Variants in TSC2 observed in about 807,000 individuals in gnomAD.
TSC2 encodes tuberin.
A neutral mutation model predicts 202.2 loss-of-function variants in TSC2; 29 were observed. The ratio of observed to expected loss-of-function variants is 0.14; its 90% CI spans 0.11 to 0.20. TSC2 has a LOEUF of 0.20. TSC2 is among the 10% of genes least tolerant of loss of function. The pLI is 1.00. For missense variants in TSC2, 2,429 were observed against 2,420.0 expected (o/e 1.00, Z -0.08); for synonymous variants, 1,349 against 1,044.0 (o/e 1.29, Z -5.63).
At chr16:2,060,484 G>C (rs2086489285) in intron 10 of TSC2, among the ~76,000 whole-genome samples, 186 bp from the exon 11 acceptor site, 1 of 152,202 alleles carries the variant, frequency 6.6e-6, no homozygotes, top group Non-Finnish European at 1.5e-5. Flanking sequence ...TCTGGGTCCT[G>C]ACTGTGCTGG....
intron 16 of TSC2, among the ~76,000 whole-genome samples, chr16:2,067,787 A>G (rs909326228): frequency 2.0e-5 from 3 of 152,146 alleles, no homozygotes; most frequent in Non-Finnish European, 4.4e-5. Flanking sequence ...AAAACAAAGC[A>G]AAAACAGGCA....
Position 2,074,662 on chromosome 16 carries a change from GC to G in TSC2, c.2545+275del, listed in dbSNP as rs1386551078. ...AGCAGTGGCCCTCCCCTGGTTTTGG[GC>G]CTCCTCTCTGTCCAACAGAGCACAC... On this transcript the variant is annotated intron_variant, in intron 22 of 41. Transcript: ENST00000219476. The G allele has an allele frequency of 5.6e-6, 3 of 535,694 alleles. No individual in the cohort carries two copies. The East Asian group carries it at 9.7e-5, about 17-fold the overall frequency. The allele number at this position is 535,694 out of a possible 1,614,324, so 33.2% of individuals were successfully genotyped here.
At chr16:2,065,039 A>G (rs4787061) in intron 15 of TSC2, 10,037 of 187,110 alleles carry the variant, frequency 0.054, 395 homozygotes, top group Admixed American at 0.1. Context: ...GCTTGAACCT[A>G]GGAGGTGAAG....
chr16:2,073,478 A>G (rs887734656), intron 21 of TSC2, among the ~76,000 whole-genome samples: 1 of 152,176 alleles, frequency 6.6e-6, no homozygotes, highest in South Asian at 2.1e-4. Flanking sequence ...CTGGTGTCCT[A>G]GAGATTCTGG....
In TSC2 at chr16:2,081,671, G is replaced by A. The variant is rs140384709; in HGVS notation, c.3687G>A (p.Gln1229=). ...CGGACATCAACAACATGCCCCTGCA[G>A]GAGCTGTCTAACGCCCTCATGGCGG... ...FSSDINNMPL[Q]ELSNALMAAE... is the part of the protein sequence containing the mutation. The change falls in exon 31 of 42, where the codon CAG becomes CAA. Residue 1229 remains glutamine, a synonymous_variant. Coordinates refer to ENST00000219476, the MANE Select transcript of TSC2 (RefSeq NM_000548.5). The A allele has an allele frequency of 3.7e-6, 6 of 1,612,996 alleles. No homozygotes were observed. Among genetic ancestry groups the A allele is most frequent in the Non-Finnish European group, 5.1e-6 (6 of 1,180,016 alleles).
At chr16:2,066,862 A>T (rs752982464) in intron 16 of TSC2, among the ~76,000 whole-genome samples, 16 of 151,858 alleles carry the variant, frequency 1.1e-4, no homozygotes, top group Admixed American at 2.0e-4. Context: ...GGGTTTCACC[A>T]TGTTGGCCAG....
intron 16 of TSC2, among the ~76,000 whole-genome samples, chr16:2,066,795 G>A (rs1053135378): frequency 1.3e-5 from 2 of 151,050 alleles, no homozygotes; most frequent in African/African-American, 2.4e-5. Context: ...TGAGCATCTC[G>A]TATTACAGGC....
At chr16:2,080,139 C>A in intron 29 of TSC2, 26 bp from the exon 30 acceptor site, 2 of 1,612,462 alleles carry the variant, frequency 1.2e-6, no homozygotes, top group South Asian at 2.2e-5. Context: ...AAGTGGTGGT[C>A]ACCAGTCCTC....
intron 8 of TSC2, 64 bp from the exon 9 acceptor site, chr16:2,057,041 G>GCGGGAC: frequency 6.5e-7 from 1 of 1,542,948 alleles, no homozygotes; most frequent in Non-Finnish European, 8.8e-7. Context: ...GGGGCCAGCA[G>GCGGGAC]CGGGACTGGG....
chr16:2,071,968 C>A (rs755363968), intron 19 of TSC2, 34 bp downstream of exon 19: 2 of 1,547,376 alleles, frequency 1.3e-6, no homozygotes, highest in South Asian at 1.2e-5. Flanking sequence ...ATCCGTCCCA[C>A]GTTGGGCCAG....
At position 2,079,570 on chromosome 16, in the gene TSC2, G is replaced by A. The variant is rs1596385749; in HGVS notation, c.3298G>A (p.Val1100Met). The A allele has an allele frequency of 2.5e-6, 4 of 1,611,058 alleles. No individual in the cohort carries two copies. Among genetic ancestry groups the A allele is most frequent in the Non-Finnish European group, 3.4e-6 (4 of 1,179,290 alleles). Residue 1100 changes from valine (V) to methionine (M), a missense_variant, in exon 29 of 42, where the codon GTG becomes ATG. By Grantham distance (21) the Val-to-Met change is conservative (BLOSUM62 1). Transcript: ENST00000219476. This position sits in a 1 kb window ranked among gnomAD's most constrained non-coding sequence, Gnocchi z 4.6. ...TTCTCTTCTCAGCTCCAGCCCCGGG[G>A]TGCATGTGAGACAGACCAAGGAGGC... ...SGPESSSSPGVHVRQTKEAPA... is the reference protein window; with the variant it reads ...SGPESSSSPGMHVRQTKEAPA...
Position 2,082,128 on chromosome 16 carries a change from T to C in TSC2, c.3815-308T>C, listed in dbSNP as rs186379642. On this transcript the variant is annotated intron_variant, in intron 31 of 41. Transcript: ENST00000219476. ...CTGCCTGGGCCCAGGTTTGGACACC[T>C]GAGCCCGCCTGCGCACTCTGGGCCC... The C allele has an allele frequency of 1.4e-3, 796 of 588,018 alleles. 7 individuals carry two copies. The African/African-American group carries it at 0.014, about 10-fold the overall frequency. The allele number at this position is 588,018 out of a possible 1,614,324, so 36.4% of individuals were successfully genotyped here. A position where few individuals can be genotyped will look rare whatever the true frequency, so the allele number is the denominator to read the frequency against.
At chr16:2,053,646 C>T (rs778088749) in intron 4 of TSC2, 194 bp downstream of exon 4, 3 of 690,928 alleles carry the variant, frequency 4.3e-6, no homozygotes, top group African/African-American at 1.8e-5. Context: ...GGCACTGCCT[C>T]CTCGCCTGTA....
chr16:2,086,510 T>C, intron 37 of TSC2, 131 bp downstream of exon 37: 1 of 1,437,876 alleles, frequency 7.0e-7, no homozygotes, highest in Non-Finnish European at 9.5e-7. Context: ...CGCCTCAGGT[T>C]CCGAGCCTAA....
chr16:2,074,420 C>G (rs45517243), intron 22 of TSC2, 31 bp downstream of exon 22: 1 of 1,604,562 alleles, frequency 6.2e-7, no homozygotes, highest in Non-Finnish European at 8.5e-7. Context: ...CGCATGCACC[C>G]GAGAGGTTCG....
In TSC2 at chr16:2,076,157, C is replaced by G. The variant is rs2089329428; in HGVS notation, c.2729C>G (p.Pro910Arg). Residue 910 changes from proline (P) to arginine (R), a missense_variant, in exon 24 of 42, where the codon CCT (proline) becomes CGT (arginine). Physicochemically the swap from Pro to Arg is moderately radical, Grantham distance 103 (BLOSUM62 -2). Transcript: ENST00000219476. ...CRLPFRKDFV[P>R]FITKGLRSNV... Reference sequence around the variant, plus strand: ...CTGCCCTTCCGGAAGGATTTTGTCCCTTTCATCACTAAGGTGGGCTCAGGG... The same window carrying G: ...CTGCCCTTCCGGAAGGATTTTGTCCGTTTCATCACTAAGGTGGGCTCAGGG... 1 of 1,613,752 alleles carries G rather than the reference C, an allele frequency of 6.2e-7. No individual in the cohort carries two copies. The highest frequency in any genetic ancestry group is 8.5e-7 in the Non-Finnish European group (1 of 1,180,016).
At chr16:2,077,530 C>G in intron 25 of TSC2, 68 bp from the exon 26 acceptor site, 1 of 1,608,622 alleles carries the variant, frequency 6.2e-7, no homozygotes, top group Non-Finnish European at 8.5e-7. Flanking sequence ...CACCCCTCCA[C>G]TGGCTTGTTC....
In TSC2 at chr16:2,054,118, A is replaced by G. The variant is rs1027331975; in HGVS notation, c.337-178A>G. 4.1e-6 allele frequency: 4 copies of G among 979,108 alleles called. No individual in the cohort carries two copies. The African/African-American group carries it at 6.5e-5, about 16-fold the overall frequency. 60.7% of individuals were successfully genotyped at this position (979,108 alleles called of 1,614,324 possible). ...ACGCCGCTCTGCGGTCGGCCGGTGCATCCGGCCCCCTGCCCTGTACAATGC... is the reference window on the plus strand; with the variant it reads ...ACGCCGCTCTGCGGTCGGCCGGTGCGTCCGGCCCCCTGCCCTGTACAATGC... On this transcript the variant is annotated intron_variant, in intron 4 of 41. Coordinates refer to ENST00000219476, the MANE Select transcript of TSC2 (RefSeq NM_000548.5).
Position 2,089,360 on chromosome 16 carries a change from G to T in TSC2, c.*750G>T. The T allele has an allele frequency of 2.8e-6, 1 of 361,146 alleles. No individual in the cohort carries two copies. The allele number at this position is 361,146 out of a possible 1,614,324, so 22.4% of individuals were successfully genotyped here. A position where few individuals can be genotyped will look rare whatever the true frequency, so the allele number is the denominator to read the frequency against. On this transcript the variant is annotated 3_prime_UTR_variant, in exon 42 of 42. Coordinates refer to ENST00000219476, the MANE Select transcript of TSC2 (RefSeq NM_000548.5). Reference sequence around the variant, plus strand: ...GTAATAACTTAGGGGCAGGGTGGCGGCGGTGCAGGCTAACCCTCCCTGAAG... The same window carrying T: ...GTAATAACTTAGGGGCAGGGTGGCGTCGGTGCAGGCTAACCCTCCCTGAAG...
Sources: allele counts gnomAD v4.1 joint callset (sites outside exome capture counted in the v4.1 genomes callset), GRCh38; gene constraint gnomAD v4.1.1; non-coding constraint Gnocchi (gnomAD v3.1); transcripts MANE v1.5; gene names NCBI Gene and HGNC (gene_info 2026-07-23, HGNC 2026-07-21).